Variants in MINDY4 observed in about 807,000 individuals in gnomAD.
MINDY4 encodes MINDY lysine 48 deubiquitinase 4, also known as probable ubiquitin carboxyl-terminal hydrolase MINDY-4.
In MINDY4, 68 loss-of-function variants were observed where a neutral mutation model predicts 87.0. The observed-to-expected ratio is 0.78, with a 90% CI of 0.64 to 0.96. The LOEUF (loss-of-function observed/expected upper bound fraction) is 0.96. Among genes scored for constraint, MINDY4 ranks in the 40% least tolerant of loss-of-function variants. MINDY4 has a pLI of 0.00. For synonymous variants in MINDY4, 379 were observed against 363.2 expected, an observed-to-expected ratio of 1.04 and a Z score of -0.50; for missense variants, 919 against 928.2, an observed-to-expected ratio of 0.99 and a Z score of 0.13.
chr7:30,844,413 A>G (rs1456250614), intron 9 of MINDY4, among the ~76,000 whole-genome samples: 1 of 152,138 alleles, frequency 6.6e-6, no homozygotes, highest in African/African-American at 2.4e-5. Context: ...AGCAGGCACC[A>G]GATGCCCTCC....
In MINDY4 at chr7:30,859,223, T is replaced by G. The variant is rs370328348; in HGVS notation, c.1678-34T>G. 6.2e-6 allele frequency: 10 copies of G among 1,601,758 alleles called. No individual in the cohort carries two copies. The African/African-American group carries it at 6.7e-5, about 11-fold the overall frequency. ...GGGGCTGGGAAGAGGGAGGTGCAAA[T>G]GGGATGGAGCTCATTTTTCTCTCCC... On this transcript the variant is annotated intron_variant, in intron 12 of 17. Coordinates refer to ENST00000265299, the MANE Select transcript of MINDY4 (RefSeq NM_032222.3).
chr7:30,787,806 G>A (rs1787199181), intron 4 of MINDY4, among the ~76,000 whole-genome samples: 1 of 152,186 alleles, frequency 6.6e-6, no homozygotes, highest in Admixed American at 6.5e-5. Flanking sequence ...CACATCAGTG[G>A]TTCTTAGACT....
chr7:30,793,486 A>T (rs1434634971), intron 5 of MINDY4, among the ~76,000 whole-genome samples: 3 of 151,286 alleles, frequency 2.0e-5, no homozygotes, highest in South Asian at 2.1e-4. Context: ...CGCAATCACA[A>T]CTCACTGCAG....
rs142013680 is a variant in MINDY4, at chr7:30,830,399, G to A, written c.1132+1662G>A. ...GGTTTCTGTATTAGTGTATTCTCAT[G>A]CTGCTAATAAAGACATACCAGAAAC... On this transcript the variant is annotated intron_variant, in intron 6 of 17. Transcript: ENST00000265299. Among the ~76,000 whole-genome samples, 934 of 152,252 alleles carry A rather than the reference G, an allele frequency of 6.1e-3. 6 individuals are homozygous for A. Among genetic ancestry groups the A allele is most frequent in the Non-Finnish European group, 9.3e-3 (630 of 68,010 alleles).
intron 17 of MINDY4, among the ~76,000 whole-genome samples, chr7:30,891,110 A>C (rs975705169): frequency 6.6e-6 from 1 of 151,914 alleles, no homozygotes; most frequent in Non-Finnish European, 1.5e-5. Context: ...CCAGCCTCAA[A>C]CTCTGCACTG....
chr7:30,806,903 A>G (rs1229239483), intron 5 of MINDY4, among the ~76,000 whole-genome samples: 1 of 152,180 alleles, frequency 6.6e-6, no homozygotes, highest in Non-Finnish European at 1.5e-5. Flanking sequence ...GTGGTCCTCC[A>G]TGTCCCTGCT....
intron 14 of MINDY4, among the ~76,000 whole-genome samples, chr7:30,873,808 T>A (rs1454794604): frequency 6.6e-6 from 1 of 152,208 alleles, no homozygotes; most frequent in East Asian, 1.9e-4. Flanking sequence ...CGAACTTGCC[T>A]GAAAAAGGCT....
chr7:30,850,086 A>G (rs917710410), intron 9 of MINDY4, among the ~76,000 whole-genome samples: 1 of 152,178 alleles, frequency 6.6e-6, no homozygotes, highest in African/African-American at 2.4e-5. Flanking sequence ...GATGGCAGTC[A>G]TTCCCGAGCA....
chr7:30,778,787 A>G (rs904961463), intron 2 of MINDY4, among the ~76,000 whole-genome samples: 2 of 152,184 alleles, frequency 1.3e-5, no homozygotes, highest in African/African-American at 4.8e-5. Context: ...TGTCGGGCTC[A>G]TTTTGAACAG....
At chr7:30,859,124 C>T (rs1380967381) in intron 12 of MINDY4, 133 bp from the exon 13 acceptor site, 2 of 843,246 alleles carry the variant, frequency 2.4e-6, no homozygotes, top group East Asian at 5.1e-5. Flanking sequence ...GGCCACCCAG[C>T]AACCCCAGGG....
intron 15 of MINDY4, among the ~76,000 whole-genome samples, chr7:30,879,240 C>A (rs1376931403): frequency 1.3e-5 from 2 of 152,140 alleles, no homozygotes; most frequent in East Asian, 3.8e-4. Flanking sequence ...GGTCCCAATC[C>A]AGTATGGCTG....
At chr7:30,873,645 T>C (rs567857264) in intron 14 of MINDY4, among the ~76,000 whole-genome samples, 19 of 152,134 alleles carry the variant, frequency 1.2e-4, no homozygotes, top group Non-Finnish European at 2.5e-4. Flanking sequence ...CTGCTAAGCT[T>C]TGCCATTGTG....
chr7:30,804,799 C>T (rs1230599032), intron 5 of MINDY4, among the ~76,000 whole-genome samples: 1 of 152,190 alleles, frequency 6.6e-6, no homozygotes, highest in Non-Finnish European at 1.5e-5. Context: ...TAGTCTTAAT[C>T]ATTATCCTTG....
At chr7:30,771,680 A>C (rs1267779798) in intron 1 of MINDY4, 124 bp downstream of exon 1, 1 of 897,384 alleles carries the variant, frequency 1.1e-6, no homozygotes, top group African/African-American at 1.7e-5. Context: ...CCTGCTCCAG[A>C]GATGCCCCAG....
intron 9 of MINDY4, among the ~76,000 whole-genome samples, chr7:30,848,311 G>C (rs537709165): frequency 3.7e-4 from 57 of 152,342 alleles, no homozygotes; most frequent in Non-Finnish European, 6.9e-4. Flanking sequence ...TTGGACGGTG[G>C]GGTGAGATGG....
At chr7:30,859,363 G>A in intron 13 of MINDY4, 39 bp downstream of exon 13, 1 of 1,593,950 alleles carries the variant, frequency 6.3e-7, no homozygotes, top group Non-Finnish European at 8.6e-7. Context: ...GGGCTGGGCT[G>A]GTCTGTCTTG....
Position 30,850,485 on chromosome 7 carries a change from C to G in MINDY4, c.1477C>G (p.Arg493Gly), listed in dbSNP as rs370104814. 1 of 1,612,424 alleles carries G rather than the reference C, an allele frequency of 6.2e-7. No homozygotes were observed. Among genetic ancestry groups the G allele is most frequent in the African/African-American group, 1.3e-5 (1 of 74,930 alleles). ...GCAGCCTTCAGATGCCCACCGGACC[C>G]GCTGCCTCGTCCTGGCCCTCGCAGA... The part of the protein sequence containing the change: ...GLQPSDAHRT[R>G]CLVLALADIV... Residue 493 changes from arginine (R) to glycine (G), a missense_variant, in exon 10 of 18, where the codon CGC becomes GGC. By Grantham distance (125) the Arg-to-Gly change is moderately radical (BLOSUM62 -2). Coordinates refer to ENST00000265299, the MANE Select transcript of MINDY4 (RefSeq NM_032222.3).
At chr7:30,865,989 T>TGCA (rs2128576429) in intron 13 of MINDY4, among the ~76,000 whole-genome samples, 1 of 152,338 alleles carries the variant, frequency 6.6e-6, no homozygotes, top group African/African-American at 2.4e-5. Context: ...CCTCTCGCAG[T>TGCA]GCAGCTGGCA....
chr7:30,850,838 C>T (rs778123077), intron 10 of MINDY4, among the ~76,000 whole-genome samples: 1 of 152,162 alleles, frequency 6.6e-6, no homozygotes, highest in Non-Finnish European at 1.5e-5. Context: ...TGGGGTGACC[C>T]CTCAGAGGAA....
Sources: gnomAD v4.1 joint callset for allele counts (sites outside exome capture counted in the v4.1 genomes callset) on GRCh38, gnomAD v4.1.1 for gene constraint, MANE v1.5 for transcripts, NCBI Gene and HGNC (gene_info 2026-07-23, HGNC 2026-07-21) for gene names.